PSMA8: variants seen among roughly 807,000 people sequenced by gnomAD.
PSMA8 encodes the protein proteasome 20S subunit alpha 8, also known as proteasome subunit alpha-type 8.
In PSMA8, 18 loss-of-function variants were observed where a neutral mutation model predicts 32.4. That is an observed-to-expected ratio of 0.56 (90% CI 0.38 to 0.82). PSMA8 has a LOEUF of 0.82. Ranked by LOEUF, PSMA8 falls within the 40% of genes least tolerant of loss-of-function variation. PSMA8 has a pLI of 0.00. For synonymous variants in PSMA8, 104 were observed against 98.1 expected (o/e 1.06, Z -0.36); for missense variants, 298 against 300.7 (o/e 0.99, Z 0.07).
intron 4 of PSMA8, among the ~76,000 whole-genome samples, chr18:26,167,210 G>A (rs1220226742): frequency 1.3e-5 from 2 of 152,152 alleles, no homozygotes; most frequent in African/African-American, 4.8e-5. Flanking sequence ...GAGTGGAATA[G>A]CCACACTTTT....
At position 26,144,628 on chromosome 18, in the gene PSMA8, G is replaced by C. The variant is rs1376420468; in HGVS notation, c.172G>C (p.Glu58Gln). 3 of 1,613,952 alleles carry C rather than the reference G, an allele frequency of 1.9e-6. No individual in the cohort carries two copies. In the South Asian group the frequency reaches 3.3e-5, roughly 18 times the overall value. The change falls in exon 2 of 7, where the codon GAA (glutamate) becomes CAA (glutamine). Residue 58 changes from glutamate to glutamine, a missense_variant. Coordinates refer to ENST00000415576, the MANE Select transcript of PSMA8 (RefSeq NM_001025096.2). ...EKKSVAKLQD[E>Q]RTVRKICALD... is the part of the protein sequence containing the mutation. ...AAAATCTGTTGCCAAGCTTCAAGAT[G>C]AAAGAACTGTGAGGAAAATTTGTGC... is the stretch of plus-strand genomic sequence containing the variant.
intron 1 of PSMA8, among the ~76,000 whole-genome samples, chr18:26,144,270 T>A (rs546949618): frequency 6.6e-6 from 1 of 152,188 alleles, no homozygotes; most frequent in Non-Finnish European, 1.5e-5. Flanking sequence ...ACTTACCGTA[T>A]TTAGATAGTG....
At chr18:26,175,813 G>A (rs1216482579) in intron 4 of PSMA8, among the ~76,000 whole-genome samples, 4 of 152,148 alleles carry the variant, frequency 2.6e-5, no homozygotes, top group Non-Finnish European at 4.4e-5. Flanking sequence ...GTCTCTTTTA[G>A]TCTTAGTCTT....
chr18:26,142,698 G>T (rs1458599152), intron 1 of PSMA8, among the ~76,000 whole-genome samples: 2 of 152,112 alleles, frequency 1.3e-5, no homozygotes, highest in Non-Finnish European at 2.9e-5. Context: ...CAAGATCAAG[G>T]CCTATTCAGT....
At chr18:26,178,668 A>G (rs1274648072) in intron 4 of PSMA8, among the ~76,000 whole-genome samples, 162 bp from the exon 5 acceptor site, 1 of 152,230 alleles carries the variant, frequency 6.6e-6, no homozygotes, top group Non-Finnish European at 1.5e-5. Context: ...TAGTAACCAA[A>G]TGAGCTACTG....
chr18:26,148,582 A>T (rs1386851248), intron 2 of PSMA8, among the ~76,000 whole-genome samples: 1 of 152,142 alleles, frequency 6.6e-6, no homozygotes, highest in Non-Finnish European at 1.5e-5. Context: ...GAAAGATTGA[A>T]AGCTTTCCCT....
intron 4 of PSMA8, among the ~76,000 whole-genome samples, chr18:26,163,365 G>C (rs1013728739): frequency 4.0e-5 from 6 of 151,170 alleles, no homozygotes; most frequent in African/African-American, 1.5e-4. Context: ...TTTGAACAGA[G>C]ACCTGAAGAA....
intron 3 of PSMA8, among the ~76,000 whole-genome samples, chr18:26,152,578 A>G (rs2055055424): frequency 6.6e-6 from 1 of 151,522 alleles, no homozygotes; most frequent in Admixed American, 6.6e-5. Context: ...GCCCACCTTG[A>G]CCTCCCAAAG....
intron 3 of PSMA8, among the ~76,000 whole-genome samples, chr18:26,157,204 A>G (rs2055097028): frequency 6.6e-6 from 1 of 152,156 alleles, no homozygotes; most frequent in African/African-American, 2.4e-5. Context: ...AGCCACAGTT[A>G]CATACAGTTA....
intron 4 of PSMA8, among the ~76,000 whole-genome samples, chr18:26,167,354 C>G (rs1470377123): frequency 2.0e-5 from 3 of 152,020 alleles, no homozygotes; most frequent in Non-Finnish European, 4.4e-5. Context: ...CTTGTGAAGC[C>G]AGAGAGTAAA....
intron 4 of PSMA8, chr18:26,170,806 G>T: frequency 6.4e-7 from 1 of 1,557,786 alleles, no homozygotes; most frequent in Non-Finnish European, 8.6e-7. Context: ...GGGTATTCTG[G>T]CAGAAGTTTA....
intron 4 of PSMA8, chr18:26,171,263 G>A: frequency 6.6e-7 from 1 of 1,526,468 alleles, no homozygotes; most frequent in Non-Finnish European, 8.6e-7. Flanking sequence ...ACACAGCGAC[G>A]ATGCAGTTTA....
chr18:26,144,657 T>G lies in PSMA8; in HGVS notation c.201T>G (p.Leu67=). 7 of 1,613,958 alleles carry G rather than the reference T, an allele frequency of 4.3e-6. No individual in the cohort carries two copies. Among genetic ancestry groups the G allele is most frequent in the Non-Finnish European group, 5.9e-6 (7 of 1,179,926 alleles). The change falls in exon 2 of 7, where the codon CTT becomes CTG. Residue 67 remains leucine, a synonymous_variant. Coordinates refer to ENST00000415576, the MANE Select transcript of PSMA8 (RefSeq NM_001025096.2). ...DERTVRKICA[L]DDHVCMAFAG... Reference sequence around the variant, plus strand: ...GAACTGTGAGGAAAATTTGTGCCCTTGATGACCATGTCTGCATGGCTTTTG... The same window carrying G: ...GAACTGTGAGGAAAATTTGTGCCCTGGATGACCATGTCTGCATGGCTTTTG...
At chr18:26,154,422 A>C (rs1598650545) in intron 3 of PSMA8, among the ~76,000 whole-genome samples, 1 of 152,324 alleles carries the variant, frequency 6.6e-6, no homozygotes, top group Admixed American at 6.5e-5. Flanking sequence ...TACAAGGAAC[A>C]GAACATTGTA....
intron 4 of PSMA8, among the ~76,000 whole-genome samples, chr18:26,160,809 G>A (rs1379142565): frequency 6.6e-6 from 1 of 152,198 alleles, no homozygotes; most frequent in Non-Finnish European, 1.5e-5. Context: ...GCTAATACCA[G>A]CAGTTTGGTT....
rs891717294 is a variant in PSMA8 at position 26,158,301 on chromosome 18, T to C, written c.477+57T>C. The C allele has an allele frequency of 3.0e-6, 4 of 1,341,656 alleles. No homozygotes were observed. The African/African-American group carries it at 6.0e-5, about 20-fold the overall frequency. The allele number at this position is 1,341,656 out of a possible 1,614,324, so 83.1% of individuals were successfully genotyped here. On this transcript the variant is annotated intron_variant, in intron 4 of 6. Coordinates refer to ENST00000415576, the MANE Select transcript of PSMA8 (RefSeq NM_001025096.2). ...AAGTTTAGTAAATATTCAATGTAAA[T>C]GCTTTATTGCTTTGAGAGACATGAA...
chr18:26,177,804 A>G (rs35368149), intron 4 of PSMA8, among the ~76,000 whole-genome samples: 328 of 152,294 alleles, frequency 2.2e-3, no homozygotes, highest in African/African-American at 7.8e-3. Context: ...TTAGGTAAAT[A>G]GCTTTCTTCA....
intron 2 of PSMA8, 51 bp from the exon 3 acceptor site, chr18:26,151,807 T>G (rs2055047618): frequency 1.3e-6 from 2 of 1,542,508 alleles, no homozygotes; most frequent in Non-Finnish European, 1.8e-6. Context: ...AAAAATGTAT[T>G]GTAAAAAATA....
intron 6 of PSMA8, among the ~76,000 whole-genome samples, chr18:26,191,304 A>G (rs998015685): frequency 2.6e-5 from 4 of 152,156 alleles, no homozygotes; most frequent in Admixed American, 2.6e-4. Flanking sequence ...AGATTTTTGT[A>G]TATAAATGTA....
Sources: allele counts gnomAD v4.1 joint callset (sites outside exome capture counted in the v4.1 genomes callset), GRCh38; gene constraint gnomAD v4.1.1; transcripts MANE v1.5; gene names NCBI Gene and HGNC (gene_info 2026-07-23, HGNC 2026-07-21).